The following NRXN1 variants were observed in gnomAD, a reference collection of about 807,000 sequenced individuals.
The protein encoded by NRXN1 is neurexin-1.
In NRXN1, 39 loss-of-function variants were observed where a neutral mutation model predicts 150.9. The observed-to-expected ratio is 0.26, with a 90% CI of 0.20 to 0.34. The LOEUF is 0.34. Among genes scored for constraint, NRXN1 ranks in the 10% least tolerant of loss-of-function variants. The pLI is 1.00. For missense variants in NRXN1, 1,815 were observed against 1,949.9 expected (o/e 0.93, Z 1.30); for synonymous variants, 924 against 757.0 (o/e 1.22, Z -3.62).
intron 8 of NRXN1, among the ~76,000 whole-genome samples, chr2:50,598,731 T>C (rs1313008030): frequency 6.8e-6 from 1 of 147,562 alleles, no homozygotes; most frequent in Non-Finnish European, 1.5e-5. Flanking sequence ...TATACACATA[T>C]ATATGTATAT....
intron 13 of NRXN1, 84 bp downstream of exon 13, chr2:50,506,411 C>A (rs190101847): frequency 3.1e-6 from 4 of 1,273,652 alleles, no homozygotes; most frequent in Non-Finnish European, 4.3e-6. Context: ...AGTTGTGTAC[C>A]AGCCTTGGTG....
intron 5 of NRXN1, among the ~76,000 whole-genome samples, chr2:50,849,948 G>T (rs943181228): frequency 6.6e-6 from 1 of 152,042 alleles, no homozygotes; most frequent in East Asian, 1.9e-4. Flanking sequence ...GCTCATACCT[G>T]TAATCCCAAC....
intron 5 of NRXN1, among the ~76,000 whole-genome samples, chr2:50,732,051 T>C (rs978657757): frequency 1.3e-5 from 2 of 152,216 alleles, no homozygotes. Flanking sequence ...GTTTCACATA[T>C]ATATGTACGT....
At chr2:50,594,166 C>T (rs183388730) in intron 8 of NRXN1, among the ~76,000 whole-genome samples, 3 of 152,264 alleles carry the variant, frequency 2.0e-5, no homozygotes, top group East Asian at 1.9e-4. Context: ...TACCCAGCCT[C>T]GGGCAGTTCT....
At chr2:50,042,696 T>TAAA (rs373806193) in intron 21 of NRXN1, among the ~76,000 whole-genome samples, 23 of 208 alleles carry the variant, frequency 0.11, no homozygotes, top group African/African-American at 0.27. Context: ...ATACACACAT[T>TAAA]AAGACAAAGG....
intron 5 of NRXN1, among the ~76,000 whole-genome samples, chr2:50,744,428 A>C (rs547896145): frequency 5.3e-4 from 80 of 152,252 alleles, no homozygotes; most frequent in Admixed American, 1.4e-3. Context: ...AAAAACATTA[A>C]TTATAACAAG....
At chr2:50,808,105 T>A (rs566652906) in intron 5 of NRXN1, among the ~76,000 whole-genome samples, 5 of 151,936 alleles carry the variant, frequency 3.3e-5, no homozygotes, top group Non-Finnish European at 5.9e-5. Flanking sequence ...TAACTATGAG[T>A]GAGGCTGGTA....
chr2:50,792,847 AT>A (rs1488265914), intron 5 of NRXN1, among the ~76,000 whole-genome samples: 1 of 152,078 alleles, frequency 6.6e-6, no homozygotes, highest in Non-Finnish European at 1.5e-5. Flanking sequence ...TTAAATAAGA[AT>A]AAATTAAAAC....
At chr2:50,013,776 T>C (rs1686100578) in intron 21 of NRXN1, among the ~76,000 whole-genome samples, 1 of 152,182 alleles carries the variant, frequency 6.6e-6, no homozygotes, top group Non-Finnish European at 1.5e-5. Context: ...CAATTTGGAC[T>C]GATTTCTAAA....
intron 9 of NRXN1, among the ~76,000 whole-genome samples, chr2:50,546,525 A>G (rs1486908055): frequency 6.6e-6 from 1 of 152,168 alleles, no homozygotes; most frequent in Non-Finnish European, 1.5e-5. Flanking sequence ...TATTAAACAG[A>G]TAGCCTGAAA....
At chr2:50,655,529 C>G in intron 5 of NRXN1, among the ~76,000 whole-genome samples, 1 of 151,912 alleles carries the variant, frequency 6.6e-6, no homozygotes, top group East Asian at 1.9e-4. Context: ...CAAAGTGAAC[C>G]GAAAGTTTTT....
At chr2:50,375,420 T>TA (rs1384859003) in intron 17 of NRXN1, among the ~76,000 whole-genome samples, 2 of 144,810 alleles carry the variant, frequency 1.4e-5, no homozygotes, top group African/African-American at 5.3e-5. Flanking sequence ...AGCTGATTCT[T>TA]AGAGAGTGTA....
At chr2:50,550,561 A>C (rs1407279780) in intron 9 of NRXN1, among the ~76,000 whole-genome samples, 1 of 151,788 alleles carries the variant, frequency 6.6e-6, no homozygotes, top group Admixed American at 6.6e-5. Context: ...ATATGTACCA[A>C]ATTAACTGCT....
intron 5 of NRXN1, among the ~76,000 whole-genome samples, chr2:50,627,357 A>ATGTGTGTGTGTGTGTG (rs34870955): frequency 3.5e-5 from 5 of 143,634 alleles, no homozygotes; most frequent in South Asian, 4.6e-4. Flanking sequence ...TGGTTCATGT[A>ATGTGTGTGTGTGTGTG]TGTGTGTGTG....
At position 50,356,070 on chromosome 2, in the gene NRXN1, A is replaced by G. The variant is rs189609443; in HGVS notation, c.3364+109372T>C. Among the ~76,000 whole-genome samples the G allele has an allele frequency of 4.6e-3, 695 of 152,280 alleles. 12 individuals are homozygous for G. The highest frequency in any genetic ancestry group is 7.2e-3 in the Non-Finnish European group (492 of 68,006). On this transcript the variant is annotated intron_variant, in intron 17 of 22. Coordinates refer to ENST00000401669, the MANE Select transcript of NRXN1 (RefSeq NM_001330078.2). ...GTCTTTCTTTTCCATACTTCAAAAA[A>G]AAAAAGAAAGTACTGCCAAGCTAAG... is the stretch of plus-strand genomic sequence containing the variant.
intron 2 of NRXN1, among the ~76,000 whole-genome samples, chr2:51,023,530 A>G (rs1443728555): frequency 6.6e-6 from 1 of 152,144 alleles, no homozygotes; most frequent in Non-Finnish European, 1.5e-5. Context: ...ATTTCAGTTT[A>G]ATAATCACTT....
chr2:50,905,875 C>T (rs1009055232), intron 5 of NRXN1, among the ~76,000 whole-genome samples: 1 of 152,060 alleles, frequency 6.6e-6, no homozygotes, highest in Non-Finnish European at 1.5e-5. Context: ...GAATTAATTA[C>T]TTAAATATTT....
intron 5 of NRXN1, among the ~76,000 whole-genome samples, chr2:50,798,015 A>G (rs930131868): frequency 2.0e-5 from 3 of 152,206 alleles, no homozygotes; most frequent in South Asian, 4.1e-4. Context: ...GCGGGCTGGT[A>G]GAAATTGTAT....
At chr2:49,924,484 A>T (rs917924684) in intron 22 of NRXN1, among the ~76,000 whole-genome samples, 1 of 152,200 alleles carries the variant, frequency 6.6e-6, no homozygotes, top group Non-Finnish European at 1.5e-5. Flanking sequence ...CTGCTAAAAT[A>T]TTTCTGAGAG....
Sources: allele counts gnomAD v4.1 joint callset (sites outside exome capture counted in the v4.1 genomes callset), GRCh38; gene constraint gnomAD v4.1.1; transcripts MANE v1.5; gene names NCBI Gene and HGNC (gene_info 2026-07-23, HGNC 2026-07-21).